The following EBF1 variants were observed in gnomAD, a reference collection of about 807,000 sequenced individuals.
EBF1 encodes EBF transcription factor 1, also known as transcription factor COE1.
A neutral mutation model predicts 68.4 loss-of-function variants in EBF1; 10 were observed. That is an observed-to-expected ratio of 0.15 (90% CI 0.09 to 0.25). EBF1 has a LOEUF of 0.25. EBF1 is among the 10% of genes least tolerant of loss of function. EBF1 has a pLI of 1.00. For synonymous variants in EBF1, 298 were observed against 299.8 expected (o/e 0.99, Z 0.06); for missense variants, 509 against 794.4 (o/e 0.64, Z 4.32).
chr5:158,898,492 T>A (rs182982285), intron 6 of EBF1, among the ~76,000 whole-genome samples: 78 of 152,364 alleles, frequency 5.1e-4, no homozygotes, highest in African/African-American at 1.8e-3. Context: ...ATGGGATCTT[T>A]CTTTTTATTT....
At chr5:158,703,759 T>C (rs1757264291) in intron 15 of EBF1, among the ~76,000 whole-genome samples, 2 of 152,212 alleles carry the variant, frequency 1.3e-5, no homozygotes, top group South Asian at 4.1e-4. Flanking sequence ...TTGGCTAAGG[T>C]TGTCCTCAGT....
chr5:158,796,485 AAC>A lies in EBF1; in HGVS notation c.779-12_779-11del. On this transcript the variant is annotated splice_polypyrimidine_tract_variant and intron_variant, in intron 8 of 15. Transcript: ENST00000313708. ...TTGATACAGGGAGTAGCTGCTTTTC[AAC>A]ACACATGAAAAAGAGAAGGAGTCTG... 1.2e-6 allele frequency: 2 copies of A among 1,609,560 alleles called. No homozygotes were observed. Among genetic ancestry groups the A allele is most frequent in the Non-Finnish European group, 1.7e-6 (2 of 1,177,628 alleles).
chr5:158,732,551 C>T (rs1764313661), intron 10 of EBF1, among the ~76,000 whole-genome samples: 1 of 151,682 alleles, frequency 6.6e-6, no homozygotes, highest in Non-Finnish European at 1.5e-5. Flanking sequence ...GGAAATAAAC[C>T]TTAAAATTCC....
intron 10 of EBF1, among the ~76,000 whole-genome samples, chr5:158,749,988 C>A (rs1479488017): frequency 6.6e-6 from 1 of 152,036 alleles, no homozygotes; most frequent in East Asian, 1.9e-4. Context: ...GTATGGGACA[C>A]TGGATTTTTA....
At chr5:158,763,167 G>A (rs558150116) in intron 10 of EBF1, among the ~76,000 whole-genome samples, 18 of 152,324 alleles carry the variant, frequency 1.2e-4, no homozygotes, top group Non-Finnish European at 2.1e-4. Flanking sequence ...CCAGGGGACT[G>A]AGGCACAAAG....
intron 10 of EBF1, among the ~76,000 whole-genome samples, chr5:158,740,987 C>A (rs577566482): frequency 1.3e-5 from 2 of 152,158 alleles, no homozygotes; most frequent in Non-Finnish European, 2.9e-5. Context: ...TACTTAGATG[C>A]GAACAGCTTA....
intron 8 of EBF1, 52 bp from the exon 9 acceptor site, chr5:158,796,527 C>T (rs745573073): frequency 7.2e-6 from 11 of 1,524,998 alleles, no homozygotes; most frequent in South Asian, 4.1e-5. Context: ...TAGAACCAAA[C>T]TTTAATGATG....
chr5:158,968,624 C>T (rs1754669967), intron 6 of EBF1, among the ~76,000 whole-genome samples: 1 of 152,106 alleles, frequency 6.6e-6, no homozygotes, highest in African/African-American at 2.4e-5. Flanking sequence ...AGACAAAACA[C>T]ATACTTAAAA....
intron 11 of EBF1, among the ~76,000 whole-genome samples, chr5:158,727,792 C>T (rs1164459404): frequency 6.6e-6 from 1 of 152,180 alleles, no homozygotes; most frequent in Non-Finnish European, 1.5e-5. Context: ...GCCTCTCTCG[C>T]AGGAGGGACT....
At chr5:158,959,588 G>T (rs1011740472) in intron 6 of EBF1, among the ~76,000 whole-genome samples, 1 of 151,720 alleles carries the variant, frequency 6.6e-6, no homozygotes, top group African/African-American at 2.4e-5. Flanking sequence ...CACCAGGCCT[G>T]TTCAAGAATT....
intron 6 of EBF1, among the ~76,000 whole-genome samples, chr5:159,012,157 C>T (rs56356600): frequency 0.054 from 8,263 of 152,044 alleles, 322 homozygotes; most frequent in Non-Finnish European, 0.076. Flanking sequence ...TGTGGTGGCA[C>T]GCGCCTGTAA....
At chr5:159,098,789 AAAT>A (rs1204723412) in intron 1 of EBF1, among the ~76,000 whole-genome samples, 2 of 147,268 alleles carry the variant, frequency 1.4e-5, no homozygotes, top group African/African-American at 5.0e-5. Flanking sequence ...GAAGAGAAGA[AAAT>A]AAAGGGGGGA....
intron 6 of EBF1, among the ~76,000 whole-genome samples, chr5:158,901,016 G>A (rs185342753): frequency 6.6e-6 from 1 of 152,260 alleles, no homozygotes; most frequent in East Asian, 1.9e-4. Flanking sequence ...CTCAGATTCT[G>A]TTTATGCTCT....
chr5:159,015,420 G>A (rs1238849499), intron 6 of EBF1, among the ~76,000 whole-genome samples: 1 of 152,202 alleles, frequency 6.6e-6, no homozygotes, highest in East Asian at 1.9e-4. Context: ...ACTCTTGGAA[G>A]CTGCAGGAAC....
chr5:158,880,237 A>G (rs1798632065), intron 6 of EBF1, among the ~76,000 whole-genome samples: 1 of 152,194 alleles, frequency 6.6e-6, no homozygotes, highest in Non-Finnish European at 1.5e-5. Flanking sequence ...TCTCATGCAG[A>G]TACTCCATCA....
chr5:159,068,129 G>A (rs753546226), intron 6 of EBF1, among the ~76,000 whole-genome samples: 2 of 152,090 alleles, frequency 1.3e-5, no homozygotes, highest in Non-Finnish European at 2.9e-5. Flanking sequence ...AGTTGAAAGG[G>A]CATTGAAATG....
chr5:159,003,623 G>A (rs972932839), intron 6 of EBF1, among the ~76,000 whole-genome samples: 1 of 152,216 alleles, frequency 6.6e-6, no homozygotes, highest in Non-Finnish European at 1.5e-5. Flanking sequence ...GCACGGATCT[G>A]TTTTCAGAAT....
intron 8 of EBF1, among the ~76,000 whole-genome samples, chr5:158,819,920 A>G (rs1784496942): frequency 1.3e-5 from 2 of 152,180 alleles, no homozygotes; most frequent in African/African-American, 2.4e-5. Flanking sequence ...GCAAGAGTCT[A>G]TGAAATAAAT....
chr5:159,097,129 C>A lies in EBF1; in HGVS notation c.136G>T (p.Gly46Trp), dbSNP rs373614835. Residue 46 changes from glycine to tryptophan, a missense_variant and splice_region_variant, in exon 2 of 16, where the codon GGG becomes TGG. Transcript: ENST00000313708. ...VLDANTAAQSGVGLARAHFEK... is the reference protein window; with the variant it reads ...VLDANTAAQSWVGLARAHFEK... ...AAGTGAGCCCGGGCCAGACCCACCC[C>A]GCTGCGGCCAAAGACGCAGAGTTAG... 6.2e-7 allele frequency: 1 copy of A among 1,613,250 alleles called. No individual in the cohort carries two copies. The highest frequency in any genetic ancestry group is 8.5e-7 in the Non-Finnish European group (1 of 1,179,754).
Sources: gnomAD v4.1 joint callset for allele counts (sites outside exome capture counted in the v4.1 genomes callset) on GRCh38, gnomAD v4.1.1 for gene constraint, MANE v1.5 for transcripts, NCBI Gene and HGNC (gene_info 2026-07-23, HGNC 2026-07-21) for gene names.